SLC35F1: variants seen among roughly 807,000 people sequenced by gnomAD.
SLC35F1 encodes solute carrier family 35 member F1.
In SLC35F1, 14 loss-of-function variants were observed where a neutral mutation model predicts 48.7. The observed-to-expected ratio is 0.29, with a 90% CI of 0.19 to 0.45. The LOEUF is 0.45. Among genes scored for constraint, SLC35F1 ranks in the 20% least tolerant of loss-of-function variants. SLC35F1 has a pLI of 1.00. For synonymous variants in SLC35F1, 190 were observed against 202.2 expected (o/e 0.94, Z 0.51); for missense variants, 404 against 500.0 (o/e 0.81, Z 1.83).
chr6:118,183,993 A>C (rs958188655), intron 2 of SLC35F1, among the ~76,000 whole-genome samples: 1 of 152,152 alleles, frequency 6.6e-6, no homozygotes, highest in African/African-American at 2.4e-5. Context: ...CTCTCCACCT[A>C]CCTTACAACA....
intron 7 of SLC35F1, among the ~76,000 whole-genome samples, chr6:118,305,228 TAC>T (rs1776299361): frequency 6.6e-6 from 1 of 151,298 alleles, no homozygotes; most frequent in South Asian, 2.1e-4. Context: ...AATCTGGAGG[TAC>T]AGTTTCCTCT....
intron 1 of SLC35F1, among the ~76,000 whole-genome samples, chr6:118,051,027 T>C (rs1246120765): frequency 6.6e-6 from 1 of 152,140 alleles, no homozygotes; most frequent in Non-Finnish European, 1.5e-5. Context: ...CAAATAAAGA[T>C]ATACAAAAAT....
At chr6:118,101,929 A>G (rs1773264072) in intron 1 of SLC35F1, among the ~76,000 whole-genome samples, 1 of 152,218 alleles carries the variant, frequency 6.6e-6, no homozygotes, top group African/African-American at 2.4e-5. Context: ...TTTCCAGTAC[A>G]AAGGAAGAAG....
At chr6:118,289,107 C>CA (rs1475589982) in intron 7 of SLC35F1, among the ~76,000 whole-genome samples, 5 of 152,130 alleles carry the variant, frequency 3.3e-5, no homozygotes, top group African/African-American at 1.2e-4. Flanking sequence ...AATGTGTTAC[C>CA]CTTAGGGATT....
At chr6:118,211,302 C>T (rs1334207715) in intron 2 of SLC35F1, among the ~76,000 whole-genome samples, 3 of 152,088 alleles carry the variant, frequency 2.0e-5, no homozygotes, top group East Asian at 3.8e-4. Flanking sequence ...TCTTTTTTGG[C>T]CTTTCTTACT....
chr6:118,067,912 T>C (rs1269114119), intron 1 of SLC35F1, among the ~76,000 whole-genome samples: 4 of 152,062 alleles, frequency 2.6e-5, no homozygotes, highest in Admixed American at 2.0e-4. Flanking sequence ...GGTATTAGCT[T>C]TCTATAGCTG....
intron 1 of SLC35F1, among the ~76,000 whole-genome samples, chr6:118,088,249 A>T (rs1355067308): frequency 1.8e-4 from 27 of 152,200 alleles, no homozygotes; most frequent in Admixed American, 1.8e-3. Context: ...GTATCCTTTT[A>T]TACATGATTC....
intron 1 of SLC35F1, among the ~76,000 whole-genome samples, chr6:118,044,461 T>C (rs999623218): frequency 6.6e-6 from 1 of 152,126 alleles, no homozygotes; most frequent in African/African-American, 2.4e-5. Flanking sequence ...TTCTTCACTT[T>C]GGGTGGAGTT....
At chr6:118,008,273 C>T (rs1213896840) in intron 1 of SLC35F1, among the ~76,000 whole-genome samples, 1 of 11,688 alleles carries the variant, frequency 8.6e-5, no homozygotes, top group Non-Finnish European at 1.7e-4. Flanking sequence ...TAGTACACAG[C>T]AAAAAAGAAA....
chr6:118,182,554 A>AGGAAGGAAGGAAGGAG, intron 2 of SLC35F1, among the ~76,000 whole-genome samples: 1 of 150,128 alleles, frequency 6.7e-6, no homozygotes, highest in Non-Finnish European at 1.5e-5. Context: ...GAAGGAAGGA[A>AGGAAGGAAGGAAGGAG]GGAAGGAAGA....
chr6:117,921,550 C>T (rs544774072), intron 1 of SLC35F1, among the ~76,000 whole-genome samples: 1 of 152,306 alleles, frequency 6.6e-6, no homozygotes, highest in Non-Finnish European at 1.5e-5. Flanking sequence ...CATCTATTTC[C>T]TGCCCCTAGT....
intron 1 of SLC35F1, among the ~76,000 whole-genome samples, chr6:118,073,643 A>G (rs1420231199): frequency 1.3e-5 from 2 of 152,242 alleles, no homozygotes; most frequent in Non-Finnish European, 2.9e-5. Context: ...CCAAAATCAA[A>G]ATGAGATTTA....
At chr6:117,998,995 C>G in intron 1 of SLC35F1, 2 of 1,246,926 alleles carry the variant, frequency 1.6e-6, no homozygotes, top group Non-Finnish European at 2.3e-6. Flanking sequence ...CCAAGAACCA[C>G]ACCACACACA....
chr6:117,999,183 A>T, intron 1 of SLC35F1: 1 of 1,595,124 alleles, frequency 6.3e-7, no homozygotes, highest in South Asian at 1.1e-5. Context: ...GCACGTGCCG[A>T]GGCTATCAAG....
intron 1 of SLC35F1, among the ~76,000 whole-genome samples, chr6:117,963,687 G>A (rs1776525746): frequency 6.6e-6 from 1 of 152,090 alleles, no homozygotes; most frequent in South Asian, 2.1e-4. Context: ...GACTGATTCT[G>A]TACTCTCTTT....
At chr6:117,965,950 A>T (rs1188220997) in intron 1 of SLC35F1, among the ~76,000 whole-genome samples, 4 of 151,898 alleles carry the variant, frequency 2.6e-5, no homozygotes, top group Non-Finnish European at 5.9e-5. Flanking sequence ...ACCAGTCAGC[A>T]CTCTGTGTCT....
At chr6:117,912,589 G>A (rs1775776654) in intron 1 of SLC35F1, among the ~76,000 whole-genome samples, 1 of 152,160 alleles carries the variant, frequency 6.6e-6, no homozygotes, top group Non-Finnish European at 1.5e-5. Context: ...AATGAAAAGA[G>A]GAAGATCAGC....
At chr6:118,248,134 T>G (rs141272577) in intron 3 of SLC35F1, among the ~76,000 whole-genome samples, 1 of 152,370 alleles carries the variant, frequency 6.6e-6, no homozygotes, top group East Asian at 1.9e-4. Flanking sequence ...TAACCGTGTT[T>G]GGATGAGTGA....
chr6:117,926,399 G>C (rs1435820671), intron 1 of SLC35F1, among the ~76,000 whole-genome samples: 7 of 152,092 alleles, frequency 4.6e-5, no homozygotes, highest in Non-Finnish European at 1.0e-4. Flanking sequence ...AAATTACCCA[G>C]TCTTGAGTTT....
Sources: allele counts gnomAD v4.1 joint callset (sites outside exome capture counted in the v4.1 genomes callset), GRCh38; gene constraint gnomAD v4.1.1; transcripts MANE v1.5; gene names NCBI Gene and HGNC (gene_info 2026-07-23, HGNC 2026-07-21).